The following CSDE1 variants were observed in gnomAD, a reference collection of about 807,000 sequenced individuals.
CSDE1 encodes cold shock domain containing E1.
Under a neutral mutation model 89.3 loss-of-function variants are expected in CSDE1, and 17 were observed. The ratio of observed to expected loss-of-function variants is 0.19; its 90% CI spans 0.13 to 0.29. The LOEUF (loss-of-function observed/expected upper bound fraction) is 0.29. Among genes scored for constraint, CSDE1 ranks in the 10% least tolerant of loss-of-function variants. CSDE1 has a pLI of 1.00. For synonymous variants in CSDE1, 322 were observed against 332.8 expected, an observed-to-expected ratio of 0.97 and a Z score of 0.35; for missense variants, 672 against 984.2, an observed-to-expected ratio of 0.68 and a Z score of 4.24.
intron 4 of CSDE1, 57 bp from the exon 5 acceptor site, chr1:114,737,620 G>A: frequency 2.3e-6 from 3 of 1,330,002 alleles, no homozygotes; most frequent in East Asian, 4.6e-5. Context: ...GCAGCACTGT[G>A]CAATATAAAC....
Position 114,734,347 on chromosome 1 carries a change from A to C in CSDE1, c.582+95T>G, listed in dbSNP as rs550595783. 7.1e-4 allele frequency: 848 copies of C among 1,199,076 alleles called. 8 individuals are homozygous for C. In the South Asian group the frequency reaches 0.01, roughly 14 times the overall value. The allele number at this position is 1,199,076 out of a possible 1,614,324, so 74.3% of individuals were successfully genotyped here. On this transcript the variant is annotated intron_variant, in intron 7 of 19. Coordinates refer to ENST00000358528, the MANE Select transcript of CSDE1 (RefSeq NM_001007553.3). The stretch of plus-strand genomic sequence containing the variant: ...AACAGTGAAATATTTTAAAAGGGTA[A>C]GATAAAAAAGAAAAAAAAAAACAAA...
chr1:114,752,582 C>T (rs1271805999), intron 1 of CSDE1, among the ~76,000 whole-genome samples: 2 of 152,208 alleles, frequency 1.3e-5, no homozygotes, highest in African/African-American at 2.4e-5. Context: ...TCCAGTTCTA[C>T]CAGAAGTCCA....
At chr1:114,719,801 C>T in intron 17 of CSDE1, 59 bp from the exon 18 acceptor site, 1 of 1,489,548 alleles carries the variant, frequency 6.7e-7, no homozygotes, top group Non-Finnish European at 9.2e-7. Context: ...CTGAATGAAG[C>T]ACAATGCCTG....
chr1:114,732,427 T>C (rs970550866), intron 10 of CSDE1, among the ~76,000 whole-genome samples, 177 bp downstream of exon 10: 1 of 152,188 alleles, frequency 6.6e-6, no homozygotes, highest in Non-Finnish European at 1.5e-5. Context: ...ATTTCCAAGA[T>C]AACTGCCAGA....
At chr1:114,718,818 T>C in intron 18 of CSDE1, 73 bp from the exon 19 acceptor site, 1 of 1,547,540 alleles carries the variant, frequency 6.5e-7, no homozygotes, top group Non-Finnish European at 8.8e-7. Context: ...AAGGAGTGTG[T>C]TTTCCACCTA....
At chr1:114,728,241 G>C (rs756333184) in intron 12 of CSDE1, among the ~76,000 whole-genome samples, 8 of 152,228 alleles carry the variant, frequency 5.3e-5, no homozygotes, top group Admixed American at 2.6e-4. Flanking sequence ...TAATCCAGAG[G>C]ATTTGAGTTT....
At chr1:114,733,209 C>T (rs150244882) in intron 9 of CSDE1, among the ~76,000 whole-genome samples, 176 of 152,178 alleles carry the variant, frequency 1.2e-3, no homozygotes, top group African/African-American at 3.7e-3. Flanking sequence ...TCTTCTTTGG[C>T]CTTTTTTCAT....
intron 5 of CSDE1, 90 bp from the exon 6 acceptor site, chr1:114,736,945 G>T (rs1660436849): frequency 6.7e-6 from 6 of 897,546 alleles, no homozygotes; most frequent in Non-Finnish European, 1.0e-5. Flanking sequence ...TCTTATACTG[G>T]CATTTTAAGC....
At position 114,716,960 on chromosome 1, in the gene CSDE1, C is replaced by A. The variant is rs1292183518; in HGVS notation, c.*1209G>T. The A allele has an allele frequency of 6.5e-6, 1 of 152,784 alleles. No individual in the cohort carries two copies. The highest frequency in any genetic ancestry group is 2.4e-5 in the African/African-American group (1 of 41,572). 9.5% of individuals were successfully genotyped at this position (152,784 alleles called of 1,614,324 possible). A position where few individuals can be genotyped will look rare whatever the true frequency, so the allele number is the denominator to read the frequency against. ...AAAACTTTATTCGCTTCCATTCTTT[C>A]GCCATTAACAGAAAACTGGAGAAAG... On this transcript the variant is annotated 3_prime_UTR_variant, in exon 20 of 20. Transcript: ENST00000358528.
At chr1:114,725,115 A>C (rs568402120) in intron 15 of CSDE1, 106 bp downstream of exon 15, 225 of 862,480 alleles carry the variant, frequency 2.6e-4, no homozygotes, top group Non-Finnish European at 3.4e-4. Context: ...GGAATCGCAC[A>C]TGAGAATGAC....
intron 12 of CSDE1, among the ~76,000 whole-genome samples, chr1:114,729,784 ATCTT>A (rs751907709): frequency 9.2e-5 from 14 of 152,224 alleles, no homozygotes; most frequent in South Asian, 4.1e-4. Context: ...CATCTCAGAC[ATCTT>A]TCTATTTCCT....
chr1:114,719,053 T>C, intron 18 of CSDE1: 3 of 296,154 alleles, frequency 1.0e-5, no homozygotes. Context: ...AGCTAACACC[T>C]GTAATCCCAG....
At chr1:114,721,091 C>CT (rs1659494679) in intron 16 of CSDE1, among the ~76,000 whole-genome samples, 1 of 152,236 alleles carries the variant, frequency 6.6e-6, no homozygotes, top group African/African-American at 2.4e-5. Flanking sequence ...ACCAAAAATA[C>CT]TTTTGTCCCA....
intron 12 of CSDE1, 136 bp downstream of exon 12, chr1:114,730,122 T>G: frequency 1.0e-6 from 1 of 960,654 alleles, no homozygotes; most frequent in Non-Finnish European, 1.5e-6. Context: ...CTTACTTTGT[T>G]TAGTTCACTG....
intron 14 of CSDE1, among the ~76,000 whole-genome samples, chr1:114,725,641 TA>T (rs1557992026): frequency 2.0e-5 from 1 of 50,018 alleles, no homozygotes; most frequent in Non-Finnish European, 3.7e-5. Context: ...CCTTACTTTC[TA>T]TTTTTTTTTT....
chr1:114,751,564 C>G (rs977154206), intron 1 of CSDE1, among the ~76,000 whole-genome samples: 5 of 152,140 alleles, frequency 3.3e-5, no homozygotes, highest in African/African-American at 1.2e-4. Flanking sequence ...TCTCTAACAT[C>G]CCATGTTCCT....
intron 1 of CSDE1, among the ~76,000 whole-genome samples, chr1:114,754,294 C>T (rs1342147480): frequency 1.3e-5 from 2 of 152,210 alleles, no homozygotes; most frequent in Non-Finnish European, 2.9e-5. Flanking sequence ...CACCTGGCCA[C>T]CACCTGTTTT....
At chr1:114,743,198 AT>A (rs1660826681) in intron 2 of CSDE1, among the ~76,000 whole-genome samples, 1 of 151,846 alleles carries the variant, frequency 6.6e-6, no homozygotes, top group Non-Finnish European at 1.5e-5. Context: ...CCCAGGCTGA[AT>A]TAATTTATTT....
intron 12 of CSDE1, among the ~76,000 whole-genome samples, chr1:114,729,335 G>C (rs1218278072): frequency 6.6e-6 from 1 of 151,672 alleles, no homozygotes; most frequent in Non-Finnish European, 1.5e-5. Flanking sequence ...TCCTGACCTC[G>C]TGATCCGCCC....
Sources: allele counts gnomAD v4.1 joint callset (sites outside exome capture counted in the v4.1 genomes callset), GRCh38; gene constraint gnomAD v4.1.1; transcripts MANE v1.5; gene names NCBI Gene and HGNC (gene_info 2026-07-23, HGNC 2026-07-21).